Variants in PCDHGB5 observed in about 807,000 individuals in gnomAD.
PCDHGB5 encodes protocadherin gamma-B5.
Under a neutral mutation model 62.9 loss-of-function variants are expected in PCDHGB5, and 48 were observed. The observed-to-expected ratio is 0.76, with a 90% CI of 0.61 to 0.97. PCDHGB5 has a LOEUF of 0.97. Among genes scored for constraint, PCDHGB5 ranks in the 50% least tolerant of loss-of-function variants. The probability of loss-of-function intolerance (pLI) is 0.00; values close to 1 mark genes in which losing one functional copy is unlikely to be tolerated. For synonymous variants in PCDHGB5, 474 were observed against 511.2 expected (o/e 0.93, Z 0.98); for missense variants, 1,118 against 1,198.6 (o/e 0.93, Z 0.99).
intron 1 of PCDHGB5, chr5:141,405,405 T>C (rs765108115): frequency 1.4e-5 from 22 of 1,588,008 alleles, no homozygotes; most frequent in Non-Finnish European, 1.9e-5. Context: ...TTTCTTTCTT[T>C]TCTTTTTTTG....
intron 2 of PCDHGB5, among the ~76,000 whole-genome samples, chr5:141,500,453 C>T (rs1403599390): frequency 6.6e-6 from 1 of 152,130 alleles, no homozygotes; most frequent in South Asian, 2.1e-4. Context: ...TCGTGATCCG[C>T]CCGCCTCGGC....
In PCDHGB5 at chr5:141,413,305, G is replaced by A. The variant is rs780711139; in HGVS notation, c.2397+12781G>A. 1.5e-5 allele frequency: 25 copies of A among 1,613,870 alleles called. No individual in the cohort carries two copies. The South Asian group carries it at 2.0e-4, about 13-fold the overall frequency. ...CTCCTACTCAATTCCTGAGGAATTA[G>A]AGAAAGGCTCTTTCGTGGGCAACAT... is the stretch of plus-strand genomic sequence containing the variant. On this transcript the variant is annotated intron_variant, in intron 1 of 3. Transcript: ENST00000617380.
At chr5:141,433,358 C>CCTAA (rs1554125965) in intron 1 of PCDHGB5, 1 of 503,368 alleles carries the variant, frequency 2.0e-6, no homozygotes, top group Non-Finnish European at 3.5e-6. Flanking sequence ...CTACTGTCTG[C>CCTAA]CTATCTATCT....
intron 1 of PCDHGB5, chr5:141,428,035 A>C (rs776717344): frequency 6.2e-7 from 1 of 1,607,926 alleles, no homozygotes; most frequent in Non-Finnish European, 8.5e-7. Context: ...GAGTCCGGCT[A>C]CCTGGTGACC....
At position 141,510,228 on chromosome 5, in the gene PCDHGB5, G is replaced by A. The variant is rs529723748; in HGVS notation, c.2546-719G>A. The stretch of plus-strand genomic sequence containing the variant: ...GCAGAGGTTGCAGTGAGCCGGGATC[G>A]CGCCACTGCACTCCAGGCTGGGCGA... On this transcript the variant is annotated intron_variant, in intron 3 of 3. Coordinates refer to ENST00000617380, the MANE Select transcript of PCDHGB5 (RefSeq NM_018925.3). Among the ~76,000 whole-genome samples the A allele has an allele frequency of 1.4e-3, 208 of 150,722 alleles. 1 individual carries two copies. Among genetic ancestry groups the A allele is most frequent in the African/African-American group, 4.7e-3 (193 of 40,860 alleles).
chr5:141,412,592 C>T (rs1472116158), intron 1 of PCDHGB5: 1 of 152,048 alleles, frequency 6.6e-6, no homozygotes, highest in African/African-American at 2.4e-5. Context: ...TGAATGTATA[C>T]TAAATAAAAT....
intron 1 of PCDHGB5, chr5:141,423,372 C>G: frequency 6.2e-7 from 1 of 1,614,178 alleles, no homozygotes; most frequent in Non-Finnish European, 8.5e-7. Context: ...TGCTGGCACT[C>G]AGGCTGTGGC....
intron 1 of PCDHGB5, among the ~76,000 whole-genome samples, chr5:141,425,402 A>C (rs1288785443): frequency 6.6e-6 from 1 of 152,222 alleles, no homozygotes; most frequent in Non-Finnish European, 1.5e-5. Flanking sequence ...AAGTTCTGTT[A>C]AGGTATAACA....
Position 141,490,398 on chromosome 5 carries a change from C to A in PCDHGB5, c.2398-4409C>A. 1 of 1,614,168 alleles carries A rather than the reference C, an allele frequency of 6.2e-7. No homozygotes were observed. Among genetic ancestry groups the A allele is most frequent in the South Asian group, 1.1e-5 (1 of 91,088 alleles). On this transcript the variant is annotated intron_variant, in intron 1 of 3. Coordinates refer to ENST00000617380, the MANE Select transcript of PCDHGB5 (RefSeq NM_018925.3). This position sits in a 1 kb window ranked among gnomAD's most constrained non-coding sequence, Gnocchi z 5.4. ...ACTCAGGTAGAAATGGTGAAGTGAG[C>A]CTTGATATCTCTCCGGACCTGCCAT...
intron 1 of PCDHGB5, chr5:141,427,630 T>C (rs1043983899): frequency 2.8e-6 from 2 of 702,530 alleles, no homozygotes; most frequent in African/African-American, 1.7e-5. Context: ...AATGCTCCGG[T>C]TTTCCACCAA....
At chr5:141,430,638 G>A in intron 1 of PCDHGB5, 1 of 898,338 alleles carries the variant, frequency 1.1e-6, no homozygotes, top group Non-Finnish European at 1.6e-6. Flanking sequence ...CCATCCCTGG[G>A]AGTATGTGGA....
intron 1 of PCDHGB5, among the ~76,000 whole-genome samples, chr5:141,471,145 G>T (rs569617031): frequency 3.4e-4 from 50 of 148,740 alleles, no homozygotes; most frequent in Non-Finnish European, 5.4e-4. Flanking sequence ...TGCCTCCTGG[G>T]TTCAAGTGAT....
At chr5:141,509,536 A>T (rs778275338) in intron 3 of PCDHGB5, among the ~76,000 whole-genome samples, 1 of 152,130 alleles carries the variant, frequency 6.6e-6, no homozygotes, top group Non-Finnish European at 1.5e-5. Context: ...AGGATGAAGC[A>T]CCATCTCATT....
intron 1 of PCDHGB5, chr5:141,422,099 A>C (rs374091819): frequency 6.2e-7 from 1 of 1,609,706 alleles, no homozygotes; most frequent in Non-Finnish European, 8.5e-7. Context: ...AAGGCTTCTG[A>C]AATATTCCAA....
intron 1 of PCDHGB5, among the ~76,000 whole-genome samples, chr5:141,469,392 T>C (rs2099199760): frequency 6.6e-6 from 1 of 152,046 alleles, no homozygotes; most frequent in South Asian, 2.1e-4. Flanking sequence ...CTGGCCAACA[T>C]GGTGAAACCC....
At chr5:141,414,476 C>T (rs1242647918) in intron 1 of PCDHGB5, 1 of 1,613,802 alleles carries the variant, frequency 6.2e-7, no homozygotes, top group African/African-American at 1.3e-5. Flanking sequence ...GGGGGAAGTC[C>T]TCCTCTATCA....
Position 141,489,560 on chromosome 5 carries a change from A to G in PCDHGB5, c.2398-5247A>G. On this transcript the variant is annotated intron_variant, in intron 1 of 3. Coordinates refer to ENST00000617380, the MANE Select transcript of PCDHGB5 (RefSeq NM_018925.3). The surrounding 1 kb of genome is among the most constrained non-coding windows in gnomAD (Gnocchi z 4.5). Reference sequence around the variant, plus strand: ...AGCACCAGCTGCCTGCTGCCAGTGCAGGTGGTGACTGAACACCCCCTGGAG... The same window carrying G: ...AGCACCAGCTGCCTGCTGCCAGTGCGGGTGGTGACTGAACACCCCCTGGAG... 1.2e-6 allele frequency: 2 copies of G among 1,614,142 alleles called. No homozygotes were observed. The highest frequency in any genetic ancestry group is 1.7e-6 in the Non-Finnish European group (2 of 1,180,030).
rs372018713 is a variant in PCDHGB5, at chr5:141,418,097, C to G, written c.2397+17573C>G. ...GAAGCTGCACTTCAGCGTAGACGCG[C>G]AGAGCGGGGACTTACTTGTGAAGGA... On this transcript the variant is annotated intron_variant, in intron 1 of 3. Coordinates refer to ENST00000617380, the MANE Select transcript of PCDHGB5 (RefSeq NM_018925.3). The G allele has an allele frequency of 5.7e-4, 921 of 1,613,980 alleles. 9 individuals are homozygous for G. The South Asian group carries it at 6.8e-3, about 12-fold the overall frequency.
chr5:141,455,109 G>A (rs2098813382), intron 1 of PCDHGB5, among the ~76,000 whole-genome samples: 1 of 151,932 alleles, frequency 6.6e-6, no homozygotes, highest in South Asian at 2.1e-4. Context: ...ACTGCGCCCG[G>A]TGGGTCTAAT....
Sources: allele counts gnomAD v4.1 joint callset (sites outside exome capture counted in the v4.1 genomes callset), GRCh38; gene constraint gnomAD v4.1.1; non-coding constraint Gnocchi (gnomAD v3.1); transcripts MANE v1.5; gene names NCBI Gene and HGNC (gene_info 2026-07-23, HGNC 2026-07-21).